PPP1R12A: variants seen among roughly 807,000 people sequenced by gnomAD.
PPP1R12A encodes the protein myosin binding subunit.
Under a neutral mutation model 139.6 loss-of-function variants are expected in PPP1R12A, and 19 were observed. That is an observed-to-expected ratio of 0.14 (90% CI 0.09 to 0.20). PPP1R12A has a LOEUF of 0.20. Among genes scored for constraint, PPP1R12A ranks in the 10% least tolerant of loss-of-function variants. The pLI is 1.00. For synonymous variants in PPP1R12A, 427 were observed against 420.6 expected, an observed-to-expected ratio of 1.02 and a Z score of -0.19; for missense variants, 925 against 1,211.5, an observed-to-expected ratio of 0.76 and a Z score of 3.51.
At position 79,814,932 on chromosome 12, in the gene PPP1R12A, G is replaced by A. The variant is rs537230005; in HGVS notation, c.1239+2462C>T. ...CAATATAATCTTCAAAGTAAGTTAT[G>A]GTGCTTGAAACTGAGAATAAAATAG... is the stretch of plus-strand genomic sequence containing the variant. On this transcript the variant is annotated intron_variant, in intron 9 of 24. Transcript: ENST00000450142. 2.4e-4 allele frequency among the ~76,000 whole-genome samples: 37 copies of A among 151,584 alleles called. 1 individual carries two copies. Among genetic ancestry groups the A allele is most frequent in the Non-Finnish European group, 1.3e-4 (9 of 67,944 alleles).
At chr12:79,934,671 G>A (rs1592861016) in intron 1 of PPP1R12A, 24 bp downstream of exon 1, 3 of 1,504,126 alleles carry the variant, frequency 2.0e-6, no homozygotes, top group East Asian at 5.2e-5. Flanking sequence ...ACGGTCAGGA[G>A]AGCCGGCGGC....
At chr12:79,794,438 CTT>C (rs1872258780) in intron 18 of PPP1R12A, among the ~76,000 whole-genome samples, 1 of 151,644 alleles carries the variant, frequency 6.6e-6, no homozygotes, top group South Asian at 2.1e-4. Context: ...TGCCTTAGCT[CTT>C]TATATATTTT....
At chr12:79,857,584 T>A (rs1384387346) in intron 2 of PPP1R12A, among the ~76,000 whole-genome samples, 2 of 149,906 alleles carry the variant, frequency 1.3e-5, no homozygotes, top group Admixed American at 6.6e-5. Flanking sequence ...TAATAAAAAA[T>A]AATAATAAAA....
intron 1 of PPP1R12A, among the ~76,000 whole-genome samples, chr12:79,880,564 T>A (rs1224565432): frequency 6.6e-6 from 1 of 152,174 alleles, no homozygotes; most frequent in Non-Finnish European, 1.5e-5. Flanking sequence ...TCAGTAACGG[T>A]GGCTCAAGTA....
intron 9 of PPP1R12A, among the ~76,000 whole-genome samples, chr12:79,810,556 A>G (rs766735325): frequency 2.0e-5 from 3 of 152,216 alleles, no homozygotes; most frequent in Non-Finnish European, 4.4e-5. Context: ...AAAGATTGAA[A>G]GCATGAAAAC....
At chr12:79,792,709 G>A (rs1446810996) in intron 19 of PPP1R12A, among the ~76,000 whole-genome samples, 1 of 152,104 alleles carries the variant, frequency 6.6e-6, no homozygotes, top group Non-Finnish European at 1.5e-5. Flanking sequence ...ACTCCAGCCT[G>A]GTGGGGGCTG....
intron 24 of PPP1R12A, chr12:79,777,360 G>A: frequency 1.0e-6 from 1 of 983,532 alleles, no homozygotes; most frequent in Non-Finnish European, 1.2e-6. Context: ...TACAATTAGT[G>A]ACAATTTCTA....
chr12:79,778,466 T>C lies in PPP1R12A; in HGVS notation c.3006+84A>G, dbSNP rs1438056047. Reference sequence around the variant, plus strand: ...ATTGGGTAATCAGCTTTGAGAACAATTAATGTAAACCATATCTATAATAGT... The same window carrying C: ...ATTGGGTAATCAGCTTTGAGAACAACTAATGTAAACCATATCTATAATAGT... On this transcript the variant is annotated intron_variant, in intron 24 of 24. Coordinates refer to ENST00000450142, the MANE Select transcript of PPP1R12A (RefSeq NM_002480.3). 6.4e-6 allele frequency: 6 copies of C among 940,796 alleles called. No homozygotes were observed. The Admixed American group carries it at 1.7e-4, about 27-fold the overall frequency. 58.3% of individuals were successfully genotyped at this position (940,796 alleles called of 1,614,324 possible).
At chr12:79,792,319 G>C (rs1216139756) in intron 19 of PPP1R12A, among the ~76,000 whole-genome samples, 1 of 152,148 alleles carries the variant, frequency 6.6e-6, no homozygotes, top group Non-Finnish European at 1.5e-5. Flanking sequence ...TTCAGTGATA[G>C]GCCCTGTCTA....
intron 14 of PPP1R12A, among the ~76,000 whole-genome samples, chr12:79,799,434 G>A (rs76289330): frequency 0.019 from 2,849 of 152,230 alleles, 86 homozygotes; most frequent in African/African-American, 0.065. Context: ...AAAGGCGTGG[G>A]CCACCGCGCC....
At chr12:79,920,096 C>A (rs999535622) in intron 1 of PPP1R12A, among the ~76,000 whole-genome samples, 4 of 152,224 alleles carry the variant, frequency 2.6e-5, no homozygotes, top group African/African-American at 9.6e-5. Context: ...TTTGCCTATT[C>A]TGGACATTTC....
At chr12:79,777,153 A>T (rs1157483266) in intron 24 of PPP1R12A, 1 of 890,552 alleles carries the variant, frequency 1.1e-6, no homozygotes, top group Non-Finnish European at 1.3e-6. Context: ...CAGCTTCAAA[A>T]TATATTAATT....
intron 2 of PPP1R12A, among the ~76,000 whole-genome samples, chr12:79,851,166 C>T (rs1159281824): frequency 6.6e-6 from 1 of 152,000 alleles, no homozygotes; most frequent in Non-Finnish European, 1.5e-5. Flanking sequence ...CAAAGCCATC[C>T]TAGGAGAAAT....
At chr12:79,901,457 G>A (rs1885634780) in intron 1 of PPP1R12A, among the ~76,000 whole-genome samples, 1 of 151,860 alleles carries the variant, frequency 6.6e-6, no homozygotes, top group South Asian at 2.1e-4. Context: ...TTCTCTGGAG[G>A]TAAAAAAGTA....
At chr12:79,805,216 A>G (rs1036851378) in intron 14 of PPP1R12A, among the ~76,000 whole-genome samples, 1 of 152,238 alleles carries the variant, frequency 6.6e-6, no homozygotes, top group African/African-American at 2.4e-5. Flanking sequence ...ATGGGAGGAA[A>G]CAATGAGAAG....
At chr12:79,845,579 C>G (rs1309425270) in intron 2 of PPP1R12A, among the ~76,000 whole-genome samples, 159 bp from the exon 3 acceptor site, 2 of 152,190 alleles carry the variant, frequency 1.3e-5, no homozygotes, top group Non-Finnish European at 2.9e-5. Flanking sequence ...CGCAGTGGCT[C>G]ACGCCTGTAA....
intron 1 of PPP1R12A, among the ~76,000 whole-genome samples, chr12:79,887,019 C>T (rs1266339922): frequency 1.3e-5 from 2 of 152,108 alleles, no homozygotes; most frequent in South Asian, 2.1e-4. Flanking sequence ...ACTTCAGGGT[C>T]ATTCTTTCAT....
chr12:79,882,654 G>A (rs1246234317), intron 1 of PPP1R12A, among the ~76,000 whole-genome samples: 2 of 152,144 alleles, frequency 1.3e-5, no homozygotes, highest in African/African-American at 2.4e-5. Flanking sequence ...TGAGAGGATC[G>A]ACTCCAATTC....
chr12:79,802,438 G>A (rs1238653160), intron 14 of PPP1R12A, among the ~76,000 whole-genome samples: 2 of 152,084 alleles, frequency 1.3e-5, no homozygotes, highest in African/African-American at 4.8e-5. Flanking sequence ...AGGAAGAGAA[G>A]AAAAAATAAA....
Sources: allele counts gnomAD v4.1 joint callset (sites outside exome capture counted in the v4.1 genomes callset), GRCh38; gene constraint gnomAD v4.1.1; transcripts MANE v1.5; gene names NCBI Gene and HGNC (gene_info 2026-07-23, HGNC 2026-07-21).